The following TNRC6B variants were observed in gnomAD, a reference collection of about 807,000 sequenced individuals.
The protein encoded by TNRC6B is trinucleotide repeat-containing gene 6B protein.
Under a neutral mutation model 203.6 loss-of-function variants are expected in TNRC6B, and 52 were observed. That is an observed-to-expected ratio of 0.26 (90% CI 0.20 to 0.32). TNRC6B has a LOEUF of 0.32. Among genes scored for constraint, TNRC6B ranks in the 10% least tolerant of loss-of-function variants. The pLI, the probability that TNRC6B is intolerant of heterozygous loss-of-function variation, is 1.00. For synonymous variants in TNRC6B, 838 were observed against 845.7 expected (o/e 0.99, Z 0.16); for missense variants, 1,923 against 2,286.2 (o/e 0.84, Z 3.24).
chr22:40,308,152 T>C (rs1432177804), intron 15 of TNRC6B, among the ~76,000 whole-genome samples: 2 of 152,214 alleles, frequency 1.3e-5, no homozygotes, highest in Non-Finnish European at 2.9e-5. Flanking sequence ...ACTACAGCTT[T>C]GTTGCTGCTG....
intron 22 of TNRC6B, 162 bp downstream of exon 22, chr22:40,321,391 G>A (rs749381292): frequency 2.3e-5 from 19 of 830,058 alleles, no homozygotes; most frequent in East Asian, 1.6e-4. Context: ...TGGAGGTGCC[G>A]GGTCTTTTCC....
At chr22:40,252,752 GA>G (rs1420588775) in intron 3 of TNRC6B, among the ~76,000 whole-genome samples, 1 of 152,192 alleles carries the variant, frequency 6.6e-6, no homozygotes, top group Non-Finnish European at 1.5e-5. Flanking sequence ...TTACTTGCTT[GA>G]AATATAAATG....
chr22:40,105,819 A>G (rs887800275), intron 1 of TNRC6B, among the ~76,000 whole-genome samples: 2 of 152,206 alleles, frequency 1.3e-5, no homozygotes, highest in Admixed American at 1.3e-4. Flanking sequence ...CATGGGGCGT[A>G]TCTGTCTTGA....
chr22:40,077,279 G>A (rs1447597650), intron 1 of TNRC6B, among the ~76,000 whole-genome samples: 2 of 152,152 alleles, frequency 1.3e-5, no homozygotes, highest in Non-Finnish European at 2.9e-5. Flanking sequence ...CCCACGAGCA[G>A]AAAGCCAGAG....
At chr22:40,052,014 C>T (rs2067749911) in intron 1 of TNRC6B, among the ~76,000 whole-genome samples, 1 of 152,170 alleles carries the variant, frequency 6.6e-6, no homozygotes, top group Admixed American at 6.5e-5. Context: ...TGTTGGACAG[C>T]ACAACTCTAA....
At chr22:40,235,389 G>A (rs887190385) in intron 1 of TNRC6B, among the ~76,000 whole-genome samples, 1 of 152,058 alleles carries the variant, frequency 6.6e-6, no homozygotes, top group Non-Finnish European at 1.5e-5. Context: ...TTCTTTTCCT[G>A]CACATTCAGG....
At chr22:40,056,336 A>G (rs2067795550) in intron 1 of TNRC6B, among the ~76,000 whole-genome samples, 1 of 152,248 alleles carries the variant, frequency 6.6e-6, no homozygotes, top group African/African-American at 2.4e-5. Context: ...CGATTTCTGC[A>G]AGTTCTGTGT....
At position 40,334,872 on chromosome 22, in the gene TNRC6B, T is replaced by A. The variant is rs1186562893; in HGVS notation, c.*11631T>A. 1 of 152,638 alleles carries A rather than the reference T, an allele frequency of 6.6e-6. No homozygotes were observed. The highest frequency in any genetic ancestry group is 6.5e-5 in the Admixed American group (1 of 15,280). 9.5% of individuals were successfully genotyped at this position (152,638 alleles called of 1,614,324 possible). ...GGCATCAAAAAGAGGCTGGATTTTTTAAAAGGCAGCTTTCCAACTTTGCAC... is the reference window on the plus strand; with the variant it reads ...GGCATCAAAAAGAGGCTGGATTTTTAAAAAGGCAGCTTTCCAACTTTGCAC... On this transcript the variant is annotated 3_prime_UTR_variant, in exon 23 of 23. Coordinates refer to ENST00000454349, the MANE Select transcript of TNRC6B (RefSeq NM_001162501.2).
intron 3 of TNRC6B, among the ~76,000 whole-genome samples, chr22:40,257,431 T>C (rs2070297234): frequency 6.6e-6 from 1 of 152,182 alleles, no homozygotes; most frequent in South Asian, 2.1e-4. Context: ...AGAAAATGAA[T>C]GGAGGACGGG....
At position 40,261,821 on chromosome 22, in the gene TNRC6B, C is replaced by A; in HGVS notation, c.116-11C>A. The A allele has an allele frequency of 1.3e-6, 2 of 1,531,236 alleles. No homozygotes were observed. Among genetic ancestry groups the A allele is most frequent in the Non-Finnish European group, 1.8e-6 (2 of 1,124,076 alleles). The allele number at this position is 1,531,236 out of a possible 1,614,324, so 94.9% of individuals were successfully genotyped here. A position where few individuals can be genotyped will look rare whatever the true frequency, so the allele number is the denominator to read the frequency against. On this transcript the variant is annotated splice_polypyrimidine_tract_variant and intron_variant, in intron 3 of 22. Transcript: ENST00000454349. Reference sequence around the variant, plus strand: ...TATTTCAAAGACTGTTTCCCAACCCCTCTCTTTTAGTGCCCGAAGTGACGA... The same window carrying A: ...TATTTCAAAGACTGTTTCCCAACCCATCTCTTTTAGTGCCCGAAGTGACGA...
At chr22:40,238,378 T>G (rs2146459803) in intron 1 of TNRC6B, among the ~76,000 whole-genome samples, 1 of 152,276 alleles carries the variant, frequency 6.6e-6, no homozygotes, top group African/African-American at 2.4e-5. Context: ...TAGGTGCTTG[T>G]GTTCACCAGT....
chr22:40,138,687 G>A (rs1476441623), intron 3 of TNRC6B, among the ~76,000 whole-genome samples: 3 of 152,120 alleles, frequency 2.0e-5, no homozygotes, highest in Non-Finnish European at 4.4e-5. Flanking sequence ...ATCAAGATAC[G>A]TATTAGGAGT....
At chr22:40,052,442 G>A (rs993518389) in intron 1 of TNRC6B, among the ~76,000 whole-genome samples, 2 of 60,168 alleles carry the variant, frequency 3.3e-5, no homozygotes, top group African/African-American at 1.4e-4. Flanking sequence ...GCTGTGTATT[G>A]TATTTTTTTT....
At chr22:40,092,414 A>C (rs1027936229) in intron 1 of TNRC6B, among the ~76,000 whole-genome samples, 6 of 151,810 alleles carry the variant, frequency 4.0e-5, no homozygotes, top group Non-Finnish European at 8.8e-5. Flanking sequence ...AAAAAAAAAA[A>C]CAGATTTGAA....
intron 6 of TNRC6B, among the ~76,000 whole-genome samples, chr22:40,272,294 C>T (rs781488817): frequency 6.6e-6 from 1 of 152,152 alleles, no homozygotes; most frequent in Non-Finnish European, 1.5e-5. Context: ...TCAGATTCAC[C>T]TGGGCCTTGC....
At chr22:40,170,793 GTATATATACA>G (rs1569006425) in intron 4 of TNRC6B, among the ~76,000 whole-genome samples, 3 of 58,670 alleles carry the variant, frequency 5.1e-5, no homozygotes, top group Admixed American at 3.4e-4. Context: ...ATATATGTGT[GTATATATACA>G]TATATGTACA....
intron 3 of TNRC6B, among the ~76,000 whole-genome samples, chr22:40,148,136 T>A (rs1369746221): frequency 1.3e-5 from 2 of 152,212 alleles, no homozygotes; most frequent in South Asian, 2.1e-4. Context: ...ATGTTCAACA[T>A]GAGTGCAGTT....
intron 1 of TNRC6B, among the ~76,000 whole-genome samples, chr22:40,111,279 G>A (rs1049751167): frequency 2.0e-5 from 3 of 151,548 alleles, no homozygotes; most frequent in African/African-American, 7.4e-5. Flanking sequence ...CGAAGGCAGT[G>A]GGGCGAGCAG....
chr22:40,288,397 T>G (rs1381561483), intron 12 of TNRC6B, among the ~76,000 whole-genome samples: 1 of 152,178 alleles, frequency 6.6e-6, no homozygotes, highest in African/African-American at 2.4e-5. Context: ...TGAGTAGTGA[T>G]GTAGGAAAAT....
Sources: allele counts gnomAD v4.1 joint callset (sites outside exome capture counted in the v4.1 genomes callset), GRCh38; gene constraint gnomAD v4.1.1; transcripts MANE v1.5; gene names NCBI Gene and HGNC (gene_info 2026-07-23, HGNC 2026-07-21).